Variants in G3BP2 observed in about 807,000 individuals in gnomAD.
G3BP2 encodes the protein G3BP stress granule assembly factor 2, also known as ras GTPase-activating protein-binding protein 2.
In G3BP2, 11 loss-of-function variants were observed where a neutral mutation model predicts 56.7. The ratio of observed to expected loss-of-function variants is 0.19; its 90% confidence interval spans 0.12 to 0.32. The LOEUF is 0.32. Ranked by LOEUF, G3BP2 falls within the 10% of genes least tolerant of loss-of-function variation. The probability of loss-of-function intolerance (pLI) is 1.00; values close to 1 mark genes in which losing one functional copy is unlikely to be tolerated. For synonymous variants in G3BP2, 165 were observed against 191.6 expected (o/e 0.86, Z 1.15); for missense variants, 340 against 610.9 (o/e 0.56, Z 4.67).
chr4:75,717,941 C>T (rs952354900), intron 3 of G3BP2, among the ~76,000 whole-genome samples: 49 of 152,108 alleles, frequency 3.2e-4, no homozygotes, highest in African/African-American at 8.4e-4. Flanking sequence ...GAGATCAAGA[C>T]CATCCTGGCC....
chr4:75,659,107 C>T (rs923583918), intron 2 of G3BP2, among the ~76,000 whole-genome samples, 183 bp from the exon 3 acceptor site: 2 of 152,210 alleles, frequency 1.3e-5, no homozygotes, highest in African/African-American at 4.8e-5. Flanking sequence ...GGAACAGGAA[C>T]TACTCCATAT....
intron 3 of G3BP2, among the ~76,000 whole-genome samples, chr4:75,689,565 G>T (rs186709725): frequency 1.0e-3 from 159 of 152,268 alleles, no homozygotes; most frequent in African/African-American, 3.7e-3. Flanking sequence ...TGTACAACTA[G>T]CTCTGCAAGA....
At chr4:75,707,393 G>A (rs966598340) in intron 3 of G3BP2, among the ~76,000 whole-genome samples, 1 of 151,832 alleles carries the variant, frequency 6.6e-6, no homozygotes, top group Non-Finnish European at 1.5e-5. Context: ...AGGCCGAGGT[G>A]GGCGGATCAC....
At chr4:75,712,055 A>G (rs1719780310) in intron 3 of G3BP2, among the ~76,000 whole-genome samples, 1 of 152,216 alleles carries the variant, frequency 6.6e-6, no homozygotes, top group Admixed American at 6.5e-5. Context: ...AATGTCCTCA[A>G]CACAAAGAAA....
chr4:75,674,716 ATATTTTTTTT>A (rs1190278204), upstream of G3BP2, among the ~76,000 whole-genome samples: 191 of 53,036 alleles, frequency 3.6e-3, no homozygotes, highest in African/African-American at 0.012. Context: ...ATATATATAT[ATATTTTTTTT>A]TTTTTTTTTT....
chr4:75,724,206 G>C (rs1720303536), intron 1 of G3BP2: 1 of 152,834 alleles, frequency 6.5e-6, no homozygotes. Context: ...ACCGGGATCA[G>C]AAAGCCACAA....
chr4:75,649,765 T>C (rs1731528186), intron 8 of G3BP2, among the ~76,000 whole-genome samples: 1 of 152,228 alleles, frequency 6.6e-6, no homozygotes, highest in Non-Finnish European at 1.5e-5. Context: ...ATCCCAGCAC[T>C]TTGGGAGGCC....
chr4:75,715,383 C>G (rs1055729077), intron 3 of G3BP2, among the ~76,000 whole-genome samples: 2 of 152,146 alleles, frequency 1.3e-5, no homozygotes, highest in African/African-American at 4.8e-5. Flanking sequence ...TTTCTTGGAT[C>G]TCTCTCACAC....
In G3BP2 at chr4:75,705,297, G is replaced by A. The variant is rs561576321; in HGVS notation, c.-25+15580C>T. ...GAATGCCCACAAAAGCCTGGGCTGC[G>A]CCTACAGGCTACCTGGGAGGTACAG... On this transcript the variant is annotated intron_variant, in intron 3 of 3. Coordinates refer to the G3BP2 transcript ENST00000499709. 1.2e-4 allele frequency among the ~76,000 whole-genome samples: 19 copies of A among 152,324 alleles called. No individual in the cohort carries two copies. The South Asian group carries it at 3.5e-3, about 28-fold the overall frequency.
At chr4:75,678,960 GCA>G (rs755992913) in intron 3 of G3BP2, among the ~76,000 whole-genome samples, 1 of 152,066 alleles carries the variant, frequency 6.6e-6, no homozygotes, top group Non-Finnish European at 1.5e-5. Context: ...TTCCTTTTTC[GCA>G]GACTGCCCAC....
chr4:75,675,421 CAGAGGCCCG>C (rs1733837687), upstream of G3BP2, among the ~76,000 whole-genome samples: 2 of 152,324 alleles, frequency 1.3e-5, no homozygotes, highest in South Asian at 4.1e-4. Flanking sequence ...TCTGATTCAA[CAGAGGCCCG>C]AGAATTTGCA....
At chr4:75,708,849 G>T (rs910184481) in intron 3 of G3BP2, among the ~76,000 whole-genome samples, 8 of 152,174 alleles carry the variant, frequency 5.3e-5, no homozygotes, top group Non-Finnish European at 1.0e-4. Context: ...AGTGGCTCAT[G>T]CCTGTAATCC....
At chr4:75,692,727 T>C (rs1718919904) in intron 3 of G3BP2, among the ~76,000 whole-genome samples, 1 of 152,130 alleles carries the variant, frequency 6.6e-6, no homozygotes, top group African/African-American at 2.4e-5. Context: ...AATTCGTATT[T>C]AGATCAACAA....
intron 3 of G3BP2, among the ~76,000 whole-genome samples, chr4:75,692,735 C>T (rs1481151978): frequency 6.6e-6 from 1 of 151,972 alleles, no homozygotes; most frequent in Non-Finnish European, 1.5e-5. Context: ...TTTAGATCAA[C>T]AAGGAGAATG....
intron 3 of G3BP2, among the ~76,000 whole-genome samples, chr4:75,686,702 G>A (rs1420636157): frequency 1.3e-5 from 2 of 151,994 alleles, no homozygotes; most frequent in African/African-American, 4.8e-5. Context: ...GGGGGGAAAT[G>A]GCATTTAAAG....
In G3BP2 at chr4:75,661,886, GA is replaced by G. The variant is rs745882140; in HGVS notation, c.95+44del. 6 of 994,244 alleles carry G rather than the reference GA, an allele frequency of 6.0e-6. No individual in the cohort carries two copies. In the African/African-American group the frequency reaches 9.6e-5, roughly 16 times the overall value. 61.6% of individuals were successfully genotyped at this position (994,244 alleles called of 1,614,324 possible). A position where few individuals can be genotyped will look rare whatever the true frequency, so the allele number is the denominator to read the frequency against. On this transcript the variant is annotated intron_variant, in intron 2 of 11. Transcript: ENST00000359707. The stretch of plus-strand genomic sequence containing the variant: ...GCAAAATATATATAGTCATACCCAA[GA>G]AAAAAAGTAGATAAAAATACCAAAT...
chr4:75,703,453 T>G (rs1051810625), intron 3 of G3BP2, among the ~76,000 whole-genome samples: 2 of 152,170 alleles, frequency 1.3e-5, no homozygotes, highest in Non-Finnish European at 2.9e-5. Flanking sequence ...CCTAGACCTT[T>G]AATTGAATAA....
At chr4:75,682,358 G>T (rs1734112376) in intron 3 of G3BP2, among the ~76,000 whole-genome samples, 1 of 150,618 alleles carries the variant, frequency 6.6e-6, no homozygotes, top group Admixed American at 6.6e-5. Flanking sequence ...AGAGGTTGCA[G>T]TGAGCCAAGA....
At chr4:75,690,070 A>T (rs1718786946) in intron 3 of G3BP2, among the ~76,000 whole-genome samples, 1 of 152,200 alleles carries the variant, frequency 6.6e-6, no homozygotes, top group African/African-American at 2.4e-5. Context: ...GTTATATTTC[A>T]GGAAAAGTAA....
Sources: allele counts gnomAD v4.1 joint callset (sites outside exome capture counted in the v4.1 genomes callset), GRCh38; gene constraint gnomAD v4.1.1; transcripts MANE v1.5; gene names NCBI Gene and HGNC (gene_info 2026-07-23, HGNC 2026-07-21).